Variants in TSHR observed in about 807,000 individuals in gnomAD.
TSHR encodes the protein thyroid stimulating hormone receptor.
TSHR carries 51 observed loss-of-function variants against 64.1 expected under a neutral mutation model. The observed-to-expected ratio is 0.80, with a 90% confidence interval of 0.64 to 1.01. TSHR has a LOEUF of 1.01. Ranked by LOEUF, TSHR falls within the 50% of genes least tolerant of loss-of-function variation. The pLI is 0.00. For missense variants in TSHR, 877 were observed against 942.8 expected, an observed-to-expected ratio of 0.93 and a Z score of 0.91; for synonymous variants, 361 against 361.9, an observed-to-expected ratio of 1.00 and a Z score of 0.03.
intron 1 of TSHR, among the ~76,000 whole-genome samples, chr14:81,060,419 T>A (rs1400081077): frequency 1.3e-5 from 2 of 152,136 alleles, no homozygotes; most frequent in East Asian, 3.8e-4. Context: ...GGAGAACAAG[T>A]AATTTATGGG....
chr14:81,046,208 AT>A (rs1385976048), intron 1 of TSHR, among the ~76,000 whole-genome samples: 3 of 152,220 alleles, frequency 2.0e-5, no homozygotes, highest in African/African-American at 7.2e-5. Context: ...AAACAGAAAA[AT>A]GAGTTAGTAG....
intron 1 of TSHR, among the ~76,000 whole-genome samples, chr14:81,034,455 C>T (rs1884520164): frequency 6.6e-6 from 1 of 152,196 alleles, no homozygotes; most frequent in Non-Finnish European, 1.5e-5. Flanking sequence ...AGTGAGAACT[C>T]ATTTTTTAAA....
intron 8 of TSHR, 98 bp from the exon 9 acceptor site, chr14:81,139,581 T>G: frequency 8.0e-7 from 1 of 1,250,806 alleles, no homozygotes; most frequent in Non-Finnish European, 1.2e-6. Flanking sequence ...GCATATCATC[T>G]CCCAATTAAC....
At position 80,984,643 on chromosome 14, in the gene TSHR, G is replaced by C. The variant is rs536557768; in HGVS notation, c.170+28793G>C. On this transcript the variant is annotated intron_variant, in intron 1 of 9. Coordinates refer to ENST00000298171, the MANE Select transcript of TSHR (RefSeq NM_000369.5). ...GACGGCCTTCAAAGCTCAGAGACTG[G>C]TTTTAATGTTTAATTTTGCATGCCA... is the stretch of plus-strand genomic sequence containing the variant. Among the ~76,000 whole-genome samples, 404 of 152,282 alleles carry C rather than the reference G, an allele frequency of 2.7e-3. 3 individuals carry two copies. Among genetic ancestry groups the C allele is most frequent in the African/African-American group, 9.2e-3 (384 of 41,564 alleles).
At chr14:80,983,765 G>A (rs1888295735) in intron 1 of TSHR, 1 of 361,328 alleles carries the variant, frequency 2.8e-6, no homozygotes. Flanking sequence ...TTAACACATA[G>A]TTACCTGTGA....
At position 81,080,917 on chromosome 14, in the gene TSHR, G is replaced by GA. The variant is rs958075503; in HGVS notation, c.318-7030dup. Among the ~76,000 whole-genome samples the GA allele has an allele frequency of 8.1e-4, 123 of 152,184 alleles. 1 individual carries two copies. The highest frequency in any genetic ancestry group is 2.9e-3 in the African/African-American group (120 of 41,538). ...ATTTTCCCTAAGAAAATAGAGTAGT[G>GA]AAAAAAAGTTAATGTAAAAAGCCAT... is the stretch of plus-strand genomic sequence containing the variant. On this transcript the variant is annotated intron_variant, in intron 3 of 9. Coordinates refer to ENST00000298171, the MANE Select transcript of TSHR (RefSeq NM_000369.5).
At chr14:81,125,725 GC>G (rs1319945183) in intron 8 of TSHR, among the ~76,000 whole-genome samples, 1 of 152,078 alleles carries the variant, frequency 6.6e-6, no homozygotes, top group Non-Finnish European at 1.5e-5. Flanking sequence ...ATGCTAGGCT[GC>G]CCTGCTCACC....
At chr14:81,099,103 C>G (rs1212080867) in intron 7 of TSHR, among the ~76,000 whole-genome samples, 1 of 152,200 alleles carries the variant, frequency 6.6e-6, no homozygotes, top group African/African-American at 2.4e-5. Flanking sequence ...GTTTTGCCGT[C>G]AGACATTCTG....
intron 8 of TSHR, among the ~76,000 whole-genome samples, chr14:81,125,667 C>T (rs1415416859): frequency 6.6e-6 from 1 of 151,996 alleles, no homozygotes; most frequent in Non-Finnish European, 1.5e-5. Flanking sequence ...GGTGCAGCTC[C>T]CTTGGAGAAG....
At chr14:80,989,293 G>A (rs146135101) in intron 1 of TSHR, among the ~76,000 whole-genome samples, 1 of 152,238 alleles carries the variant, frequency 6.6e-6, no homozygotes, top group African/African-American at 2.4e-5. Flanking sequence ...ATTCTTCAGG[G>A]CAGCAACTAT....
intron 8 of TSHR, among the ~76,000 whole-genome samples, chr14:81,120,220 C>T (rs929014491): frequency 2.0e-5 from 3 of 152,052 alleles, no homozygotes; most frequent in Non-Finnish European, 4.4e-5. Context: ...CACTGATAGT[C>T]TCCCAAAGTC....
Position 81,103,783 on chromosome 14 carries a change from G to A in TSHR, c.615-4592G>A, listed in dbSNP as rs1045730860. ...ATCCTCTTTCCACGCAATCTGCGTG[G>A]GGATATGTTGCTTCTCACAGAATGT... On this transcript the variant is annotated intron_variant, in intron 7 of 9. Coordinates refer to ENST00000298171, the MANE Select transcript of TSHR (RefSeq NM_000369.5). The surrounding 1 kb of genome is among the most constrained non-coding windows in gnomAD (Gnocchi z 4.1). 35 of 985,294 alleles carry A rather than the reference G, an allele frequency of 3.6e-5. No individual in the cohort carries two copies. The highest frequency in any genetic ancestry group is 5.2e-4 in the Middle Eastern group (1 of 1,936). The allele number at this position is 985,294 out of a possible 1,614,324, so 61.0% of individuals were successfully genotyped here.
chr14:81,002,201 A>G (rs150312972), intron 1 of TSHR, among the ~76,000 whole-genome samples: 1 of 152,182 alleles, frequency 6.6e-6, no homozygotes, highest in African/African-American at 2.4e-5. Flanking sequence ...AAATCTGAAA[A>G]TTTTTGAATT....
chr14:81,048,166 C>G (rs545308178), intron 1 of TSHR, among the ~76,000 whole-genome samples: 6 of 152,112 alleles, frequency 3.9e-5, no homozygotes, highest in Admixed American at 6.5e-5. Context: ...GCCCTGACTC[C>G]CAACTCATCA....
chr14:81,037,444 C>G (rs12232221), intron 1 of TSHR, among the ~76,000 whole-genome samples: 3 of 127,452 alleles, frequency 2.4e-5, no homozygotes, highest in South Asian at 2.8e-4. Context: ...AACAAACAAA[C>G]AAAAAACAGA....
At chr14:80,976,081 T>G (rs1887857180) in intron 1 of TSHR, among the ~76,000 whole-genome samples, 1 of 152,074 alleles carries the variant, frequency 6.6e-6, no homozygotes, top group Admixed American at 6.5e-5. Flanking sequence ...CCGGCTAATT[T>G]TTTGTATTTT....
intron 1 of TSHR, among the ~76,000 whole-genome samples, chr14:80,980,009 C>A (rs1316277542): frequency 6.6e-6 from 1 of 152,184 alleles, no homozygotes; most frequent in Non-Finnish European, 1.5e-5. Flanking sequence ...TTTATGAAGT[C>A]CCCGTGATCT....
chr14:81,122,528 G>A (rs933152258), intron 8 of TSHR, among the ~76,000 whole-genome samples: 5 of 152,066 alleles, frequency 3.3e-5, no homozygotes, highest in African/African-American at 1.2e-4. Context: ...TACTGAATAT[G>A]GGTTTAACCA....
At chr14:80,956,734 G>A (rs147895907) in intron 1 of TSHR, among the ~76,000 whole-genome samples, 2,007 of 152,188 alleles carry the variant, frequency 0.013, 16 homozygotes, top group Middle Eastern at 0.054. Flanking sequence ...AAAGAAATGG[G>A]AAAGTTGCAC....
Sources: allele counts gnomAD v4.1 joint callset (sites outside exome capture counted in the v4.1 genomes callset), GRCh38; gene constraint gnomAD v4.1.1; non-coding constraint Gnocchi (gnomAD v3.1); transcripts MANE v1.5; gene names NCBI Gene and HGNC (gene_info 2026-07-23, HGNC 2026-07-21).